The following DLG5 variants were observed in gnomAD, a reference collection of about 807,000 sequenced individuals.
The protein encoded by DLG5 is discs large MAGUK scaffold protein 5.
A neutral mutation model predicts 189.8 loss-of-function variants in DLG5; 48 were observed. The ratio of observed to expected loss-of-function variants is 0.25; its 90% confidence interval spans 0.20 to 0.32. The LOEUF (loss-of-function observed/expected upper bound fraction) is 0.32, where lower values mean the gene tolerates loss of function less well. Among genes scored for constraint, DLG5 ranks in the 10% least tolerant of loss-of-function variants. The probability of loss-of-function intolerance (pLI) is 1.00; values close to 1 mark genes in which losing one functional copy is unlikely to be tolerated. For missense variants in DLG5, 2,160 were observed against 2,544.7 expected (o/e 0.85, Z 3.25); for synonymous variants, 1,016 against 1,054.1 (o/e 0.96, Z 0.70).
intron 1 of DLG5, among the ~76,000 whole-genome samples, chr10:77,919,634 C>A (rs1279312802): frequency 1.6e-5 from 1 of 62,162 alleles, no homozygotes; most frequent in Non-Finnish European, 3.1e-5. Context: ...CCTCAGTATT[C>A]TTTTGAGGAC....
intron 1 of DLG5, among the ~76,000 whole-genome samples, chr10:77,924,243 T>G (rs1033188453): frequency 6.6e-6 from 1 of 152,132 alleles, no homozygotes; most frequent in Non-Finnish European, 1.5e-5. Flanking sequence ...CATGACCCTC[T>G]CCAAAGTCAC....
intron 6 of DLG5, 85 bp from the exon 7 acceptor site, chr10:77,842,278 T>TACTTG: frequency 2.7e-6 from 4 of 1,482,916 alleles, no homozygotes; most frequent in Non-Finnish European, 3.7e-6. Flanking sequence ...CCGCCAGCTC[T>TACTTG]ACTGTGCTGG....
intron 20 of DLG5, 64 bp downstream of exon 20, chr10:77,816,487 C>G (rs1842056131): frequency 1.9e-6 from 3 of 1,608,820 alleles, no homozygotes; most frequent in Non-Finnish European, 2.5e-6. Context: ...AGAGCCCAGG[C>G]CCGCTGCCGG....
At chr10:77,861,092 G>A (rs1248745246) in intron 2 of DLG5, among the ~76,000 whole-genome samples, 1 of 152,134 alleles carries the variant, frequency 6.6e-6, no homozygotes, top group African/African-American at 2.4e-5. Context: ...CACAGAGACA[G>A]CTGGAGTCTC....
chr10:77,906,585 T>C (rs1227803816), intron 1 of DLG5, among the ~76,000 whole-genome samples: 2 of 151,736 alleles, frequency 1.3e-5, no homozygotes, highest in Non-Finnish European at 2.9e-5. Flanking sequence ...AGGTCGACTG[T>C]TCAGGATGGG....
At position 77,824,471 on chromosome 10, in the gene DLG5, A is replaced by G. The variant is rs1225181916; in HGVS notation, c.2295T>C (p.Asn765=). The G allele has an allele frequency of 6.2e-7, 1 of 1,613,650 alleles. No homozygotes were observed. The highest frequency in any genetic ancestry group is 1.1e-5 in the South Asian group (1 of 91,050). Residue 765 remains asparagine (N), a synonymous_variant, in exon 14 of 32, where the codon AAT becomes AAC. Coordinates refer to ENST00000372391, the MANE Select transcript of DLG5 (RefSeq NM_004747.4). ...GAGACTTGTTGTCCAGTGCAATGCC[A>G]TTGATCTAGAGCAGGACAGAGAGCA... is the stretch of plus-strand genomic sequence containing the variant. ...LAVGDRIVAI[N]GIALDNKSLN... is the part of the protein sequence containing the mutation.
At chr10:77,801,488 AC>A (rs976245613) in intron 27 of DLG5, among the ~76,000 whole-genome samples, 25 of 152,216 alleles carry the variant, frequency 1.6e-4, no homozygotes, top group African/African-American at 6.0e-4. Flanking sequence ...AAGAACAAAA[AC>A]CCCGAGGAGA....
Position 77,821,448 on chromosome 10 carries a change from G to C in DLG5, c.3036C>G (p.Pro1012=), listed in dbSNP as rs753783288. 1.9e-6 allele frequency: 3 copies of C among 1,612,914 alleles called. No homozygotes were observed. Among genetic ancestry groups the C allele is most frequent in the Non-Finnish European group, 2.5e-6 (3 of 1,180,000 alleles). The change falls in exon 15 of 32, where the codon CCC becomes CCG. Residue 1012 remains proline, a synonymous_variant. Coordinates refer to ENST00000372391, the MANE Select transcript of DLG5 (RefSeq NM_004747.4). ...QPSKRAGPLT[P]PKPPRRSDSI... ...AGTCGCTCCTTCTGGGAGGTTTTGGGGGTGTCAGAGGCCCCGCCCTCTTGG... is the reference window on the plus strand; with the variant it reads ...AGTCGCTCCTTCTGGGAGGTTTTGGCGGTGTCAGAGGCCCCGCCCTCTTGG...
At chr10:77,911,099 A>C (rs1287889412) in intron 1 of DLG5, among the ~76,000 whole-genome samples, 1 of 151,992 alleles carries the variant, frequency 6.6e-6, no homozygotes, top group Non-Finnish European at 1.5e-5. Flanking sequence ...AAAGGCCACT[A>C]TATATTTTTT....
At position 77,835,507 on chromosome 10, in the gene DLG5, T is replaced by C. The variant is rs112481146; in HGVS notation, c.1622+231A>G. ...TCACAGCGGTCTCACGTGGACATAG[T>C]ACACACTTGGGACACCTAGGGCTGA... On this transcript the variant is annotated intron_variant, in intron 8 of 31. Transcript: ENST00000372391. 5.3e-5 allele frequency among the ~76,000 whole-genome samples: 8 copies of C among 152,258 alleles called. 1 individual carries two copies. The highest frequency in any genetic ancestry group is 1.9e-4 in the African/African-American group (8 of 41,542).
intron 7 of DLG5, among the ~76,000 whole-genome samples, chr10:77,841,380 C>T (rs895364633): frequency 1.2e-4 from 18 of 152,182 alleles, no homozygotes; most frequent in Admixed American, 7.9e-4. Flanking sequence ...TGGGCTCAGC[C>T]TACTAGCACA....
chr10:77,933,586 G>C, the DLG5 span, among the ~76,000 whole-genome samples: 1 of 152,096 alleles, frequency 6.6e-6, no homozygotes, highest in Admixed American at 6.6e-5. Context: ...GAGCCACGGT[G>C]CCCGGCTTAT....
At chr10:77,890,236 C>T (rs535655611) in intron 1 of DLG5, among the ~76,000 whole-genome samples, 6 of 152,202 alleles carry the variant, frequency 3.9e-5, no homozygotes, top group Non-Finnish European at 5.9e-5. Flanking sequence ...CCTGCCAACA[C>T]GGATGCTGAG....
chr10:77,886,013 T>C (rs1845427458), intron 1 of DLG5, among the ~76,000 whole-genome samples: 1 of 152,226 alleles, frequency 6.6e-6, no homozygotes, highest in Admixed American at 6.5e-5. Context: ...CTGTGCAGGC[T>C]GTGAGAGCCA....
At chr10:77,851,269 T>TAC (rs1418785995) in intron 5 of DLG5, among the ~76,000 whole-genome samples, 1 of 152,226 alleles carries the variant, frequency 6.6e-6, no homozygotes, top group South Asian at 2.1e-4. Flanking sequence ...ACTGAAAACC[T>TAC]ACAGTCTTTA....
intron 7 of DLG5, among the ~76,000 whole-genome samples, chr10:77,838,371 C>G (rs530635720): frequency 5.3e-4 from 80 of 152,276 alleles, no homozygotes; most frequent in African/African-American, 1.7e-3. Context: ...CTCCTGGGAG[C>G]AATGAGACTT....
chr10:77,924,475 G>A (rs1194194971), intron 1 of DLG5, among the ~76,000 whole-genome samples: 1 of 152,186 alleles, frequency 6.6e-6, no homozygotes. Context: ...TGATTCACAT[G>A]CTTCCCAACG....
intron 1 of DLG5, among the ~76,000 whole-genome samples, chr10:77,907,626 T>C (rs544310943): frequency 4.0e-5 from 6 of 151,780 alleles, no homozygotes; most frequent in Non-Finnish European, 7.3e-5. Flanking sequence ...GTACTTACCA[T>C]GTGCCACACA....
chr10:77,919,457 C>T lies in DLG5; in HGVS notation c.304+6760G>A, dbSNP rs115045128. Among the ~76,000 whole-genome samples, 780 of 151,512 alleles carry T rather than the reference C, an allele frequency of 5.1e-3. 8 individuals carry two copies. The highest frequency in any genetic ancestry group is 0.018 in the African/African-American group (740 of 41,298). ...ACCCCACAGGAATGAGCAAGTCTCC[C>T]GTCAATGCTCAACCTCTTCTGTTTT... On this transcript the variant is annotated intron_variant, in intron 1 of 31. Coordinates refer to ENST00000372391, the MANE Select transcript of DLG5 (RefSeq NM_004747.4).
Sources: allele counts gnomAD v4.1 joint callset (sites outside exome capture counted in the v4.1 genomes callset), GRCh38; gene constraint gnomAD v4.1.1; transcripts MANE v1.5; gene names NCBI Gene and HGNC (gene_info 2026-07-23, HGNC 2026-07-21).